The following RIC1 variants were observed in gnomAD, a reference collection of about 807,000 sequenced individuals.
RIC1 encodes guanine nucleotide exchange factor subunit RIC1.
In RIC1, 88 loss-of-function variants were observed where a neutral mutation model predicts 169.0. The observed-to-expected ratio is 0.52, with a 90% confidence interval of 0.44 to 0.62. The LOEUF is 0.62. Ranked by LOEUF, RIC1 falls within the 20% of genes least tolerant of loss-of-function variation. RIC1 has a pLI of 0.00. For synonymous variants in RIC1, 790 were observed against 601.5 expected (o/e 1.31, Z -4.59); for missense variants, 1,877 against 1,725.5 (o/e 1.09, Z -1.56).
In RIC1 at chr9:5,743,746, T is replaced by C; in HGVS notation, c.1095+9T>C. ...TTAAGATCAACTCTATGGTAAGTAC[T>C]TTCTATAAAAAATTGGCATGGTATT... On this transcript the variant is annotated intron_variant, in intron 10 of 25. Coordinates refer to ENST00000414202, the MANE Select transcript of RIC1 (RefSeq NM_020829.4). 6.3e-7 allele frequency: 1 copy of C among 1,596,040 alleles called. No homozygotes were observed. The highest frequency in any genetic ancestry group is 8.6e-7 in the Non-Finnish European group (1 of 1,168,882).
chr9:5,631,538 A>G (rs925428009), intron 1 of RIC1, among the ~76,000 whole-genome samples: 8 of 151,880 alleles, frequency 5.3e-5, no homozygotes, highest in Non-Finnish European at 8.8e-5. Context: ...ATACAAAAAA[A>G]TAGCTGGGCG....
intron 2 of RIC1, among the ~76,000 whole-genome samples, chr9:5,683,470 G>A (rs1275858913): frequency 6.6e-6 from 1 of 152,204 alleles, no homozygotes; most frequent in East Asian, 1.9e-4. Context: ...GGATATTGGT[G>A]AACCTCAAAT....
intron 2 of RIC1, among the ~76,000 whole-genome samples, chr9:5,666,268 T>C (rs190642588): frequency 6.6e-6 from 1 of 152,320 alleles, no homozygotes; most frequent in Non-Finnish European, 1.5e-5. Context: ...TGGATATATG[T>C]GATTTTTGTG....
intron 2 of RIC1, among the ~76,000 whole-genome samples, chr9:5,680,605 A>C (rs1469042763): frequency 2.0e-5 from 3 of 151,858 alleles, no homozygotes; most frequent in African/African-American, 7.3e-5. Context: ...GAACTTATCC[A>C]TTTCTTCTAG....
At chr9:5,736,750 T>G (rs751652137) in intron 7 of RIC1, among the ~76,000 whole-genome samples, 1 of 152,144 alleles carries the variant, frequency 6.6e-6, no homozygotes, top group Non-Finnish European at 1.5e-5. Context: ...AACAACAGAT[T>G]AGACATTGCA....
In RIC1 at chr9:5,757,395, G is replaced by A; in HGVS notation, c.1936G>A (p.Val646Ile). The change falls in exon 17 of 26, where the codon GTC becomes ATC. Residue 646 changes from valine to isoleucine, a missense_variant. Physicochemically the swap from Val to Ile is conservative, Grantham distance 29. Coordinates refer to ENST00000414202, the MANE Select transcript of RIC1 (RefSeq NM_020829.4). ...YIPHPFLVVS[V>I]TLTSVSTENG... The stretch of plus-strand genomic sequence containing the variant: ...TCCTCACCCTTTCCTGGTGGTATCT[G>A]TCACTCTGACATCAGTGAGTACAGA... The A allele has an allele frequency of 6.2e-7, 1 of 1,614,016 alleles. No homozygotes were observed. The highest frequency in any genetic ancestry group is 8.5e-7 in the Non-Finnish European group (1 of 1,179,924).
chr9:5,758,074 T>C (rs576964360), intron 17 of RIC1, among the ~76,000 whole-genome samples: 85 of 152,328 alleles, frequency 5.6e-4, no homozygotes, highest in African/African-American at 1.9e-3. Context: ...GAGGTCATTG[T>C]AATGATCTAG....
chr9:5,692,645 G>A (rs1238471318), intron 3 of RIC1, among the ~76,000 whole-genome samples: 3 of 151,872 alleles, frequency 2.0e-5, no homozygotes, highest in Non-Finnish European at 4.4e-5. Context: ...TGAGTTTCTT[G>A]GTTTTTCTGC....
intron 17 of RIC1, among the ~76,000 whole-genome samples, chr9:5,760,559 C>A (rs1026828468): frequency 1.5e-4 from 23 of 152,066 alleles, no homozygotes; most frequent in Admixed American, 6.5e-5. Context: ...TATGCAGTTC[C>A]CAGTCATGCT....
chr9:5,633,289 C>G (rs1817807000), intron 1 of RIC1, among the ~76,000 whole-genome samples: 1 of 152,212 alleles, frequency 6.6e-6, no homozygotes, highest in Non-Finnish European at 1.5e-5. Context: ...CCCAGCATTC[C>G]CATTTCTCAC....
At chr9:5,671,161 C>T (rs774459571) in intron 2 of RIC1, among the ~76,000 whole-genome samples, 10 of 152,070 alleles carry the variant, frequency 6.6e-5, no homozygotes, top group African/African-American at 9.7e-5. Context: ...TCCTCTCCTC[C>T]TCCTAATGTC....
chr9:5,687,914 G>GTT (rs1036631310), intron 2 of RIC1, among the ~76,000 whole-genome samples: 30 of 151,536 alleles, frequency 2.0e-4, no homozygotes, highest in African/African-American at 6.0e-4. Context: ...TTTATTTTGG[G>GTT]TTTTTTTGTG....
rs66487767 is a variant in RIC1 at position 5,730,969 on chromosome 9, C to A, written c.721-1419C>A. 2.4e-3 allele frequency among the ~76,000 whole-genome samples: 368 copies of A among 152,250 alleles called. 1 individual carries two copies. Among genetic ancestry groups the A allele is most frequent in the African/African-American group, 8.1e-3 (338 of 41,552 alleles). On this transcript the variant is annotated intron_variant, in intron 6 of 25. Coordinates refer to ENST00000414202, the MANE Select transcript of RIC1 (RefSeq NM_020829.4). ...GGTCTTTGAGCATGCCAGAAATGCT[C>A]CTACATTAGGGCTTTTACACTTGTT...
At chr9:5,758,722 C>CTTTTTTTTTTTTTTTTTTTTCCTTT (rs754931692) in intron 17 of RIC1, among the ~76,000 whole-genome samples, 3 of 98,426 alleles carry the variant, frequency 3.0e-5, no homozygotes, top group African/African-American at 8.0e-5. Flanking sequence ...GGTCTCCCTT[C>CTTTTTTTTTTTTTTTTTTTTCCTTT]TTTTTTTTTT....
chr9:5,711,214 C>A (rs1822909532), intron 3 of RIC1, among the ~76,000 whole-genome samples: 1 of 152,078 alleles, frequency 6.6e-6, no homozygotes, highest in South Asian at 2.1e-4. Flanking sequence ...CATTGAACTC[C>A]ACAGCCACAC....
At chr9:5,696,130 C>G (rs998953047) in intron 3 of RIC1, among the ~76,000 whole-genome samples, 2 of 152,144 alleles carry the variant, frequency 1.3e-5, no homozygotes, top group Admixed American at 6.5e-5. Context: ...ATTTTACTCT[C>G]ATTGGTCTTT....
intron 4 of RIC1, among the ~76,000 whole-genome samples, chr9:5,715,814 C>T (rs531488593): frequency 7.5e-6 from 1 of 133,406 alleles, no homozygotes; most frequent in African/African-American, 2.7e-5. Context: ...CCCCTCCCAT[C>T]CCCTTCCCTA....
intron 1 of RIC1, among the ~76,000 whole-genome samples, chr9:5,641,193 G>A (rs1435876724): frequency 2.0e-5 from 3 of 151,264 alleles, no homozygotes; most frequent in African/African-American, 4.9e-5. Flanking sequence ...CTGGGTTCAC[G>A]CCATTCTCCA....
rs950063013 is a variant in RIC1 at position 5,747,565 on chromosome 9, A to C, written c.1452+60A>C. On this transcript the variant is annotated intron_variant, in intron 12 of 25. Coordinates refer to ENST00000414202, the MANE Select transcript of RIC1 (RefSeq NM_020829.4). The stretch of plus-strand genomic sequence containing the variant: ...TCTTTGATAGGATATCACCTGGAAC[A>C]GATTATTAAATATTTCATCTGTTAA... 7.2e-6 allele frequency: 10 copies of C among 1,393,612 alleles called. No homozygotes were observed. The African/African-American group carries it at 1.4e-4, about 20-fold the overall frequency. The allele number at this position is 1,393,612 out of a possible 1,614,324, so 86.3% of individuals were successfully genotyped here.
Sources: gnomAD v4.1 joint callset for allele counts (sites outside exome capture counted in the v4.1 genomes callset) on GRCh38, gnomAD v4.1.1 for gene constraint, MANE v1.5 for transcripts, NCBI Gene and HGNC (gene_info 2026-07-23, HGNC 2026-07-21) for gene names.